The following CIMAP1D variants were observed in gnomAD, a reference collection of about 807,000 sequenced individuals.
CIMAP1D encodes the protein protein CIMAP1D.
chr19:466,201 T>G, the CIMAP1D span, among the ~76,000 whole-genome samples: 3 of 33,478 alleles, frequency 9.0e-5, no homozygotes, highest in Middle Eastern at 0.014. Flanking sequence ...GATAGATGGA[T>G]GGGTGGGTGG....
chr19:490,121 C>T, the CIMAP1D span: 14 of 392,852 alleles, frequency 3.6e-5, no homozygotes, highest in Non-Finnish European at 5.8e-5. Context: ...TGTGGGAGGC[C>T]GAGGCAGGTG....
chr19:464,378 G>A, the CIMAP1D span: 3 of 1,485,818 alleles, frequency 2.0e-6, no homozygotes, highest in East Asian at 2.5e-5. Context: ...AGAGAGTGGG[G>A]AAGGAAAGGT....
the CIMAP1D span, chr19:467,638 C>T: frequency 6.3e-7 from 1 of 1,585,904 alleles, no homozygotes; most frequent in Non-Finnish European, 8.7e-7. Context: ...CTGCTTGGCT[C>T]CAGTACTCAC....
the CIMAP1D span, among the ~76,000 whole-genome samples, chr19:481,103 C>T: frequency 4.8e-5 from 3 of 62,418 alleles, no homozygotes; most frequent in African/African-American, 7.8e-5. Flanking sequence ...TGATGGAGAA[C>T]GATGATGGAG....
chr19:484,843 T>C, the CIMAP1D span, among the ~76,000 whole-genome samples: 1 of 151,804 alleles, frequency 6.6e-6, no homozygotes, highest in Non-Finnish European at 1.5e-5. Flanking sequence ...CTGAGCAGGG[T>C]GGGAGCCACG....
chr19:467,065 G>GTGGT, the CIMAP1D span, among the ~76,000 whole-genome samples: 8 of 116,216 alleles, frequency 6.9e-5, no homozygotes, highest in South Asian at 3.6e-4. Flanking sequence ...GGATGGGTGG[G>GTGGT]TGGGTGGGTG....
the CIMAP1D span, among the ~76,000 whole-genome samples, chr19:468,632 C>A: frequency 6.6e-6 from 1 of 152,224 alleles, no homozygotes. Context: ...CGATTGAGAC[C>A]GTTTGCTGCT....
the CIMAP1D span, chr19:472,386 C>T: frequency 3.1e-5 from 45 of 1,463,408 alleles, 1 homozygote; most frequent in South Asian, 2.6e-4. Context: ...CCCACTCGCC[C>T]GCCTTACCCT....
the CIMAP1D span, among the ~76,000 whole-genome samples, chr19:474,224 T>G: frequency 2.4e-3 from 371 of 152,266 alleles, no homozygotes; most frequent in Non-Finnish European, 4.3e-3. Context: ...CAGCAGCTGA[T>G]GTGGCTCCCA....
At chr19:470,502 C>T in the CIMAP1D span, among the ~76,000 whole-genome samples, 3 of 152,188 alleles carry the variant, frequency 2.0e-5, no homozygotes, top group African/African-American at 4.8e-5. Context: ...TGAGCCACCG[C>T]GCCCGGCCCA....
chr19:488,261 G>C, the CIMAP1D span, among the ~76,000 whole-genome samples: 2 of 152,078 alleles, frequency 1.3e-5, no homozygotes, highest in Non-Finnish European at 2.9e-5. Flanking sequence ...GGTGGCTGAA[G>C]CCTGTAATCC....
At chr19:463,870 G>A in the CIMAP1D span, 1 of 1,610,168 alleles carries the variant, frequency 6.2e-7, no homozygotes, top group Non-Finnish European at 8.5e-7. Context: ...GGCAGCCTGT[G>A]CCCCGCAGGC....
At chr19:467,271 A>T in the CIMAP1D span, among the ~76,000 whole-genome samples, 1 of 151,176 alleles carries the variant, frequency 6.6e-6, no homozygotes, top group Non-Finnish European at 1.5e-5. Flanking sequence ...ATGGTGGGTG[A>T]GTGGGCAGGT....
the CIMAP1D span, among the ~76,000 whole-genome samples, chr19:491,293 T>C: frequency 9.2e-5 from 14 of 152,258 alleles, no homozygotes; most frequent in East Asian, 7.7e-4. Context: ...AGAAGGCTTT[T>C]AAAGAAACAG....
At chr19:475,484 C>T in the CIMAP1D span, among the ~76,000 whole-genome samples, 1 of 152,172 alleles carries the variant, frequency 6.6e-6, no homozygotes, top group Non-Finnish European at 1.5e-5. Flanking sequence ...CCCAGGGTAG[C>T]AGTGTGGGTG....
At chr19:470,276 A>C in the CIMAP1D span, among the ~76,000 whole-genome samples, 1 of 147,636 alleles carries the variant, frequency 6.8e-6, no homozygotes, top group Non-Finnish European at 1.5e-5. Context: ...GCACAGTCTC[A>C]GCTCACTGCA....
the CIMAP1D span, among the ~76,000 whole-genome samples, chr19:475,264 C>T: frequency 2.0e-4 from 30 of 152,320 alleles, no homozygotes; most frequent in African/African-American, 7.2e-4. Context: ...ACTGCCTCAT[C>T]CTGTCACTCA....
At chr19:490,661 C>T in the CIMAP1D span, among the ~76,000 whole-genome samples, 1 of 152,200 alleles carries the variant, frequency 6.6e-6, no homozygotes, top group Non-Finnish European at 1.5e-5. Flanking sequence ...AGTTGATATT[C>T]GTGTTAGAAA....
chr19:481,312 G>C, the CIMAP1D span, among the ~76,000 whole-genome samples: 1 of 100,220 alleles, frequency 1.0e-5, no homozygotes, highest in Admixed American at 1.0e-4. Context: ...GGATGATGGA[G>C]AACGATGATG....
Sources: allele counts gnomAD v4.1 joint callset (sites outside exome capture counted in the v4.1 genomes callset), GRCh38; gene constraint gnomAD v4.1.1; transcripts MANE v1.5; gene names NCBI Gene and HGNC (gene_info 2026-07-23, HGNC 2026-07-21).